The following MYZAP variants were observed in gnomAD, a reference collection of about 807,000 sequenced individuals.
The protein encoded by MYZAP is GRINL1A complex locus upstream.
In MYZAP, 66 loss-of-function variants were observed where a neutral mutation model predicts 69.4. That is an observed-to-expected ratio of 0.95 (90% CI 0.78 to 1.17). The LOEUF is 1.17. Among genes scored for constraint, MYZAP ranks in the 50% most tolerant of loss-of-function variants. The pLI is 0.00. For missense variants in MYZAP, 611 were observed against 556.2 expected (o/e 1.10, Z -0.99); for synonymous variants, 256 against 205.9 (o/e 1.24, Z -2.09).
At chr15:57,632,267 A>G (rs1383827558) in intron 6 of MYZAP, among the ~76,000 whole-genome samples, 167 bp from the exon 7 acceptor site, 1 of 151,986 alleles carries the variant, frequency 6.6e-6, no homozygotes, top group Non-Finnish European at 1.5e-5. Context: ...GGCTCTGCTC[A>G]CCCCTCTTCC....
intron 2 of MYZAP, among the ~76,000 whole-genome samples, chr15:57,606,424 A>T (rs113421552): frequency 1.3e-5 from 2 of 152,196 alleles, no homozygotes; most frequent in Admixed American, 6.5e-5. Flanking sequence ...TGTTATTTTT[A>T]AAAAAGATGA....
chr15:57,594,808 C>T (rs185062680), intron 1 of MYZAP, among the ~76,000 whole-genome samples: 5 of 152,258 alleles, frequency 3.3e-5, no homozygotes, highest in East Asian at 3.9e-4. Flanking sequence ...AAAGCAGGAA[C>T]GGGATGTCCT....
rs192820929 is a variant in MYZAP at position 57,650,115 on chromosome 15, T to G, written c.1119+10570T>G. On this transcript the variant is annotated intron_variant, in intron 10 of 12. Transcript: ENST00000267853. ...CATATGAATAGGACTCCTTTTATTTTTGGCTCACGGAAAGCTTGTTTCTCT... is the reference window on the plus strand; with the variant it reads ...CATATGAATAGGACTCCTTTTATTTGTGGCTCACGGAAAGCTTGTTTCTCT... Among the ~76,000 whole-genome samples, 214 of 152,326 alleles carry G rather than the reference T, an allele frequency of 1.4e-3. 1 individual carries two copies. Among genetic ancestry groups the G allele is most frequent in the African/African-American group, 4.4e-3 (181 of 41,568 alleles).
At chr15:57,595,291 T>TA (rs879851712) in intron 1 of MYZAP, among the ~76,000 whole-genome samples, 2 of 152,146 alleles carry the variant, frequency 1.3e-5, no homozygotes, top group Non-Finnish European at 2.9e-5. Context: ...GTTGTGAAAT[T>TA]AAAAAAACTT....
At chr15:57,609,734 G>A (rs563194133) in intron 2 of MYZAP, among the ~76,000 whole-genome samples, 209 of 152,280 alleles carry the variant, frequency 1.4e-3, no homozygotes, top group Non-Finnish European at 2.2e-3. Context: ...TAATATGGGA[G>A]GGAGGATGCT....
At chr15:57,658,139 A>G (rs1396451071) in intron 10 of MYZAP, among the ~76,000 whole-genome samples, 2 of 152,216 alleles carry the variant, frequency 1.3e-5, no homozygotes, top group Non-Finnish European at 2.9e-5. Context: ...CACAGAACAG[A>G]GAGAGTAATT....
At chr15:57,615,445 G>A (rs1313219184) in intron 2 of MYZAP, among the ~76,000 whole-genome samples, 1 of 152,184 alleles carries the variant, frequency 6.6e-6, no homozygotes, top group African/African-American at 2.4e-5. Flanking sequence ...CTGCTCCGTG[G>A]CGGCTTCATC....
intron 1 of MYZAP, among the ~76,000 whole-genome samples, chr15:57,602,816 A>G (rs1316944302): frequency 6.6e-6 from 1 of 152,214 alleles, no homozygotes; most frequent in Admixed American, 6.5e-5. Flanking sequence ...ATCTCTTACC[A>G]TAGGTTTGTG....
intron 4 of MYZAP, among the ~76,000 whole-genome samples, chr15:57,622,974 T>TC (rs1264550800): frequency 6.6e-6 from 1 of 152,004 alleles, no homozygotes; most frequent in Non-Finnish European, 1.5e-5. Context: ...TATTGAAAGA[T>TC]CCCCCACGAA....
At chr15:57,673,092 A>G (rs1479007837) in intron 11 of MYZAP, among the ~76,000 whole-genome samples, 1 of 152,160 alleles carries the variant, frequency 6.6e-6, no homozygotes. Context: ...TTATATTCTC[A>G]TGAGTATACA....
Position 57,661,451 on chromosome 15 carries a change from T to A in MYZAP, c.1121T>A (p.Ile374Asn), listed in dbSNP as rs780959162. 2.5e-6 allele frequency: 4 copies of A among 1,606,356 alleles called. No individual in the cohort carries two copies. The highest frequency in any genetic ancestry group is 2.2e-5 in the South Asian group (2 of 89,716). ...AATTTTCCATCCCTTTCTTTCTAGATTGAATCATTAAAGAAAAAGTTGCAA... is the reference window on the plus strand; with the variant it reads ...AATTTTCCATCCCTTTCTTTCTAGAATGAATCATTAAAGAAAAAGTTGCAA... Reference protein sequence around the residue: ...QKKVKQMVEEIESLKKKLQQK... With the variant: ...QKKVKQMVEENESLKKKLQQK... The change falls in exon 11 of 13, where the codon ATT becomes AAT. Residue 374 changes from isoleucine (I) to asparagine (N), a missense_variant and splice_region_variant. By Grantham distance (149) the Ile-to-Asn change is moderately radical (BLOSUM62 -3). Transcript: ENST00000267853.
intron 1 of MYZAP, 32 bp downstream of exon 1, chr15:57,592,141 C>A: frequency 7.8e-7 from 1 of 1,286,082 alleles, no homozygotes. Flanking sequence ...CGCCGCCGTC[C>A]CGTTCCCCCA....
intron 10 of MYZAP, among the ~76,000 whole-genome samples, chr15:57,655,023 T>C (rs536847633): frequency 1.3e-5 from 2 of 152,264 alleles, no homozygotes; most frequent in African/African-American, 4.8e-5. Context: ...CCCTGTGGGT[T>C]TGGGGTCTAG....
At position 57,632,554 on chromosome 15, in the gene MYZAP, CTTTTGGTGT is replaced by C. The variant is rs2036570845; in HGVS notation, c.800_804+4del. 6 of 1,613,826 alleles carry C rather than the reference CTTTTGGTGT, an allele frequency of 3.7e-6. No individual in the cohort carries two copies. Among genetic ancestry groups the C allele is most frequent in the Non-Finnish European group, 5.1e-6 (6 of 1,179,968 alleles). ...GAAGCACAGTGCTGAGAAGGAGGCT[CTTTTGGTGT>C]GTGTGTTGTAGCTGCCGATGTAAAC... On this transcript the variant is annotated splice_donor_variant and splice_donor_region_variant and coding_sequence_variant and intron_variant, in exon 7 of 13. Coordinates refer to ENST00000267853, the MANE Select transcript of MYZAP (RefSeq NM_001018100.5). LOFTEE classifies it high-confidence loss of function.
At chr15:57,652,090 C>T (rs2037756461) in intron 10 of MYZAP, among the ~76,000 whole-genome samples, 1 of 152,074 alleles carries the variant, frequency 6.6e-6, no homozygotes, top group Non-Finnish European at 1.5e-5. Flanking sequence ...TGGCTGAATG[C>T]CACAAGACAC....
At chr15:57,682,916 G>A (rs1185879410) in intron 12 of MYZAP, among the ~76,000 whole-genome samples, 1 of 152,170 alleles carries the variant, frequency 6.6e-6, no homozygotes, top group African/African-American at 2.4e-5. Context: ...ATTTCTAGAT[G>A]TGAATTTCCT....
intron 1 of MYZAP, among the ~76,000 whole-genome samples, chr15:57,593,059 G>A (rs1306165259): frequency 6.6e-6 from 1 of 152,080 alleles, no homozygotes; most frequent in African/African-American, 2.4e-5. Flanking sequence ...GAGTGATGGT[G>A]GTCACCTTAT....
intron 5 of MYZAP, among the ~76,000 whole-genome samples, chr15:57,626,329 T>C (rs1177967164): frequency 1.3e-5 from 2 of 152,250 alleles, no homozygotes; most frequent in Non-Finnish European, 2.9e-5. Flanking sequence ...AAACACTTTT[T>C]TATAATTAGA....
At chr15:57,673,506 GT>G (rs2038974763) in intron 11 of MYZAP, among the ~76,000 whole-genome samples, 1 of 150,812 alleles carries the variant, frequency 6.6e-6, no homozygotes, top group African/African-American at 2.5e-5. Flanking sequence ...GTGTGTGTGT[GT>G]GTGTGTGTGT....
Sources: gnomAD v4.1 joint callset for allele counts (sites outside exome capture counted in the v4.1 genomes callset) on GRCh38, gnomAD v4.1.1 for gene constraint, MANE v1.5 for transcripts, NCBI Gene and HGNC (gene_info 2026-07-23, HGNC 2026-07-21) for gene names.